The following ANKRD36C variants were observed in gnomAD, a reference collection of about 807,000 sequenced individuals.
ANKRD36C encodes ankyrin repeat domain-containing protein 36C.
ANKRD36C carries 61 observed loss-of-function variants against 276.4 expected under a neutral mutation model. The observed-to-expected ratio is 0.22, with a 90% CI of 0.18 to 0.27. The LOEUF is 0.27. ANKRD36C is among the 10% of genes least tolerant of loss of function. The probability of loss-of-function intolerance (pLI) is 1.00; values close to 1 mark genes in which losing one functional copy is unlikely to be tolerated. For missense variants in ANKRD36C, 1,447 were observed against 2,032.3 expected (o/e 0.71, Z 5.54); for synonymous variants, 483 against 680.1 (o/e 0.71, Z 4.51).
At chr2:95,878,658 T>C (rs927987774) in intron 58 of ANKRD36C, among the ~76,000 whole-genome samples, 32 of 152,334 alleles carry the variant, frequency 2.1e-4, no homozygotes, top group African/African-American at 6.3e-4. Context: ...AGCAAAATGA[T>C]ACTGTTATGT....
intron 32 of ANKRD36C, 139 bp from the exon 33 acceptor site, chr2:95,921,949 G>A (rs1436915585): frequency 1.1e-6 from 1 of 919,622 alleles, no homozygotes; most frequent in East Asian, 2.8e-5. Context: ...TCTTAAGCCA[G>A]GAGCATGACA....
Position 95,891,672 on chromosome 2 carries a change from A to C in ANKRD36C, c.2850T>G (p.Thr950=), listed in dbSNP as rs751926140. 9 of 1,559,878 alleles carry C rather than the reference A, an allele frequency of 5.8e-6. No individual in the cohort carries two copies. In the South Asian group the frequency reaches 1.1e-4, roughly 18 times the overall value. ...ATCTCTTTTCAAAATTACCTCTCCTAGTTTTTTCTCCATGCTTTTTTCCTC... is the reference window on the plus strand; with the variant it reads ...ATCTCTTTTCAAAATTACCTCTCCTCGTTTTTTCTCCATGCTTTTTTCCTC... Residue 950 remains threonine, a synonymous_variant, in exon 46 of 67, where the codon ACT becomes ACG. Coordinates refer to ENST00000456556, the Ensembl canonical transcript of ANKRD36C.
Position 95,938,916 on chromosome 2 carries a change from C to A in ANKRD36C, c.1561-15G>T, listed in dbSNP as rs1167580746. 6.5e-7 allele frequency: 1 copy of A among 1,537,480 alleles called. No homozygotes were observed. Among genetic ancestry groups the A allele is most frequent in the Non-Finnish European group, 8.7e-7 (1 of 1,146,876 alleles). ...TTCACCGTATGCTGAATGGGTTTGA[C>A]AACATAATGATTAACATATCATGTA... is the stretch of plus-strand genomic sequence containing the variant. On this transcript the variant is annotated splice_polypyrimidine_tract_variant and intron_variant, in intron 21 of 66. Transcript: ENST00000456556.
intron 42 of ANKRD36C, chr2:95,902,940 C>A: frequency 3.1e-6 from 5 of 1,590,140 alleles, no homozygotes; most frequent in Non-Finnish European, 3.4e-6. Flanking sequence ...AAAAGAGAAT[C>A]TTTCTCGTCT....
downstream of ANKRD36C, among the ~76,000 whole-genome samples, chr2:95,850,012 G>T (rs1573712769): frequency 6.6e-6 from 1 of 152,132 alleles, no homozygotes; most frequent in Non-Finnish European, 1.5e-5. Context: ...CAATGAAAAA[G>T]AATTATATTC....
chr2:95,895,396 T>C lies in ANKRD36C; in HGVS notation c.2756-3536A>G, dbSNP rs1676506516. On this transcript the variant is annotated intron_variant, in intron 44 of 66. Coordinates refer to ENST00000456556, the Ensembl canonical transcript of ANKRD36C. ...TGACATTAAATGTGTTTTGCAAAGT[T>C]ACCTGTCCTAGATGTTTCTCCATCC... 2 of 1,025,294 alleles carry C rather than the reference T, an allele frequency of 2.0e-6. No homozygotes were observed. Among genetic ancestry groups the C allele is most frequent in the East Asian group, 5.8e-5 (2 of 34,660 alleles). 63.5% of individuals were successfully genotyped at this position (1,025,294 alleles called of 1,614,324 possible). A position where few individuals can be genotyped will look rare whatever the true frequency, so the allele number is the denominator to read the frequency against.
At chr2:95,889,447 T>TCTGACG (rs936310685) in intron 48 of ANKRD36C, among the ~76,000 whole-genome samples, 86 of 151,746 alleles carry the variant, frequency 5.7e-4, no homozygotes, top group African/African-American at 1.9e-3. Context: ...CACAATACAA[T>TCTGACG]CTGACGCCTC....
At chr2:95,903,017 T>C in intron 42 of ANKRD36C, 36 bp downstream of exon 53, 1 of 1,571,012 alleles carries the variant, frequency 6.4e-7, no homozygotes, top group Non-Finnish European at 8.6e-7. Flanking sequence ...AGACTATACA[T>C]TTACTAGTTC....
rs771831151 is a variant in ANKRD36C, at chr2:95,942,637, AAAGAT to A, written c.1492-1443_1492-1439del. On this transcript the variant is annotated intron_variant, in intron 19 of 66. Coordinates refer to ENST00000456556, the Ensembl canonical transcript of ANKRD36C. ...AGCTCTAATTGCCTACTTATGCCAT[AAAGAT>A]AATAGTTAAAAATCAGAGAAAGGAT... 3.3e-5 allele frequency among the ~76,000 whole-genome samples: 5 copies of A among 152,420 alleles called. No homozygotes were observed. The South Asian group carries it at 1.0e-3, about 32-fold the overall frequency.
intron 30 of ANKRD36C, among the ~76,000 whole-genome samples, 176 bp from the exon 31 acceptor site, chr2:95,923,865 T>C (rs1046724340): frequency 9.9e-5 from 15 of 151,556 alleles, no homozygotes; most frequent in African/African-American, 3.6e-4. Context: ...GAAATACAGG[T>C]TTCACAAAAT....
intron 44 of ANKRD36C, 70 bp downstream of exon 64, chr2:95,893,463 A>C (rs1195016060): frequency 1.5e-5 from 23 of 1,526,588 alleles, no homozygotes; most frequent in Non-Finnish European, 1.8e-5. Flanking sequence ...CCCCCCGCTG[A>C]TTTATTTGGG....
At chr2:95,951,233 A>C in intron 15 of ANKRD36C, 115 bp downstream of exon 15, 1 of 893,046 alleles carries the variant, frequency 1.1e-6, no homozygotes. Flanking sequence ...AGATCACAGC[A>C]CTGCACTCCA....
chr2:95,917,203 G>A (rs1677124837), intron 36 of ANKRD36C, among the ~76,000 whole-genome samples: 1 of 151,592 alleles, frequency 6.6e-6, no homozygotes, highest in Admixed American at 6.6e-5. Flanking sequence ...TAATGAGTCA[G>A]TGTGCTTTAT....
At chr2:95,870,830 T>G (rs1346365141) in intron 59 of ANKRD36C, among the ~76,000 whole-genome samples, 9 of 152,132 alleles carry the variant, frequency 5.9e-5, no homozygotes, top group Non-Finnish European at 7.4e-5. Context: ...AAGGAGCTGA[T>G]GAAGCTGAAA....
intron 58 of ANKRD36C, 96 bp downstream of exon 78, chr2:95,880,331 A>G (rs1676048513): frequency 8.7e-7 from 1 of 1,153,302 alleles, no homozygotes; most frequent in Non-Finnish European, 1.2e-6. Flanking sequence ...GAAATAAAAT[A>G]TAAAAAGTGA....
chr2:95,894,879 C>T (rs964849222), intron 44 of ANKRD36C, among the ~76,000 whole-genome samples: 1 of 151,018 alleles, frequency 6.6e-6, no homozygotes, highest in African/African-American at 2.4e-5. Context: ...ACTCAGGTTT[C>T]CTCAGCAGTA....
intron 61 of ANKRD36C, among the ~76,000 whole-genome samples, chr2:95,858,539 C>A (rs972223486): frequency 6.6e-6 from 1 of 152,164 alleles, no homozygotes; most frequent in African/African-American, 2.4e-5. Flanking sequence ...CTTTTCTTCA[C>A]ACAGTAATTA....
rs1292256834 is a variant in ANKRD36C, at chr2:95,906,375, A to C, written c.2653+5869T>G. On this transcript the variant is annotated intron_variant, in intron 42 of 66. Transcript: ENST00000456556. ...AATAAAGCAAAATTATGCTGTGCCC[A>C]AGAGCCCCTTATGTCTTCAACTGCT... 3.4e-5 allele frequency among the ~76,000 whole-genome samples: 4 copies of C among 117,288 alleles called. 1 individual carries two copies. The highest frequency in any genetic ancestry group is 6.2e-5 in the African/African-American group (2 of 32,248). The allele number at this position is 117,288 out of a possible 152,430, so 76.9% of individuals were successfully genotyped here.
intron 42 of ANKRD36C, among the ~76,000 whole-genome samples, chr2:95,902,632 C>T (rs1318211606): frequency 6.7e-6 from 1 of 150,092 alleles, no homozygotes; most frequent in Non-Finnish European, 1.5e-5. Flanking sequence ...TTCCCCAGAG[C>T]CCCTTATGCC....
Sources: allele counts gnomAD v4.1 joint callset (sites outside exome capture counted in the v4.1 genomes callset), GRCh38; gene constraint gnomAD v4.1.1; transcripts MANE v1.5; gene names NCBI Gene and HGNC (gene_info 2026-07-23, HGNC 2026-07-21).